LUC7L: variants seen among roughly 807,000 people sequenced by gnomAD.
The protein encoded by LUC7L is putative RNA-binding protein Luc7-like 1.
In LUC7L, 29 loss-of-function variants were observed where a neutral mutation model predicts 51.1. That is an observed-to-expected ratio of 0.57 (90% CI 0.42 to 0.77). The LOEUF (loss-of-function observed/expected upper bound fraction) is 0.77, where lower values mean the gene tolerates loss of function less well. Ranked by LOEUF, LUC7L falls within the 30% of genes least tolerant of loss-of-function variation. LUC7L has a pLI of 0.00. For missense variants in LUC7L, 403 were observed against 511.9 expected (o/e 0.79, Z 2.05); for synonymous variants, 181 against 180.7 (o/e 1.00, Z -0.01).
chr16:218,882 G>A (rs112388708), intron 3 of LUC7L, among the ~76,000 whole-genome samples: 19 of 121,768 alleles, frequency 1.6e-4, no homozygotes, highest in African/African-American at 4.7e-4. Context: ...CTTGAGGGCA[G>A]AAGTTTGAGA....
chr16:206,172 G>A (rs1286086579), intron 4 of LUC7L, 25 bp from the exon 5 acceptor site: 2 of 1,600,982 alleles, frequency 1.2e-6, no homozygotes, highest in Non-Finnish European at 1.7e-6. Context: ...AATGAGGTAA[G>A]CAGACATCTG....
intron 5 of LUC7L, among the ~76,000 whole-genome samples, chr16:203,132 A>G (rs1596625534): frequency 6.6e-6 from 1 of 152,172 alleles, no homozygotes; most frequent in Non-Finnish European, 1.5e-5. Flanking sequence ...TGGGCAACAG[A>G]GAGAGACTCC....
intron 3 of LUC7L, chr16:209,772 A>C (rs889832374): frequency 1.3e-5 from 2 of 152,196 alleles, no homozygotes; most frequent in Non-Finnish European, 2.9e-5. Context: ...CAGCTGTAAT[A>C]AACTGCTCCA....
intron 5 of LUC7L, among the ~76,000 whole-genome samples, chr16:201,576 A>T (rs2142060726): frequency 6.6e-6 from 1 of 151,898 alleles, no homozygotes; most frequent in South Asian, 2.1e-4. Context: ...AGTAGCTGGG[A>T]CTACAAGCGC....
At chr16:203,969 T>A (rs2049406677) in intron 5 of LUC7L, among the ~76,000 whole-genome samples, 1 of 151,200 alleles carries the variant, frequency 6.6e-6, no homozygotes, top group African/African-American at 2.5e-5. Context: ...TGAGCCGAGA[T>A]CACGCCACTG....
chr16:204,349 C>G (rs1315413049), intron 5 of LUC7L, among the ~76,000 whole-genome samples: 1 of 151,646 alleles, frequency 6.6e-6, no homozygotes, highest in Non-Finnish European at 1.5e-5. Context: ...GTAATCCCAG[C>G]AGTTTGGGAG....
intron 3 of LUC7L, among the ~76,000 whole-genome samples, chr16:212,322 G>A (rs990911249): frequency 6.6e-6 from 1 of 151,952 alleles, no homozygotes; most frequent in African/African-American, 2.4e-5. Flanking sequence ...GGAGCTCGTC[G>A]GGTCTCCATT....
chr16:196,526 CAAA>C (rs2049153973), intron 6 of LUC7L, among the ~76,000 whole-genome samples: 2 of 54,284 alleles, frequency 3.7e-5, no homozygotes, highest in South Asian at 5.5e-4. Flanking sequence ...CAGTGGCTAA[CAAA>C]CAATTTTTTT....
At chr16:215,448 G>A (rs768127475) in intron 3 of LUC7L, among the ~76,000 whole-genome samples, 19 of 151,634 alleles carry the variant, frequency 1.3e-4, no homozygotes, top group South Asian at 6.3e-4. Context: ...GTAAAACCCC[G>A]TCTCTACTAA....
intron 2 of LUC7L, among the ~76,000 whole-genome samples, chr16:224,317 G>A (rs1250541474): frequency 2.0e-5 from 3 of 151,308 alleles, no homozygotes; most frequent in South Asian, 2.1e-4. Context: ...TCAGAAGTTC[G>A]TGACCAGCCT....
At position 190,155 on chromosome 16, in the gene LUC7L, C is replaced by T; in HGVS notation, c.807-20G>A. ...CGTGACCTGAACAATCAGAAGGCTC[C>T]AAGGCTGAGACTCTATAGGTGCCAA... On this transcript the variant is annotated intron_variant, in intron 8 of 9. Coordinates refer to ENST00000293872, the MANE Select transcript of LUC7L (RefSeq NM_201412.3). The T allele has an allele frequency of 1.2e-6, 2 of 1,602,656 alleles. No homozygotes were observed. Among genetic ancestry groups the T allele is most frequent in the Non-Finnish European group, 8.5e-7 (1 of 1,175,594 alleles).
chr16:192,275 C>T (rs2049029433), intron 7 of LUC7L, among the ~76,000 whole-genome samples: 1 of 152,098 alleles, frequency 6.6e-6, no homozygotes, highest in Non-Finnish European at 1.5e-5. Flanking sequence ...CCTAGCTCCC[C>T]AAGGTCCTGC....
At chr16:197,783 A>G (rs1037435951) in intron 6 of LUC7L, among the ~76,000 whole-genome samples, 1 of 152,144 alleles carries the variant, frequency 6.6e-6, no homozygotes, top group African/African-American at 2.4e-5. Flanking sequence ...TGGTCACTGC[A>G]GCATTCTGCA....
chr16:226,027 A>C (rs570120252), intron 2 of LUC7L, among the ~76,000 whole-genome samples: 13 of 152,230 alleles, frequency 8.5e-5, no homozygotes, highest in African/African-American at 3.1e-4. Flanking sequence ...ACTTCCTTTG[A>C]CGAGTTGAAA....
chr16:199,534 G>A (rs1235193002), intron 5 of LUC7L, among the ~76,000 whole-genome samples: 1 of 151,714 alleles, frequency 6.6e-6, no homozygotes, highest in East Asian at 1.9e-4. Context: ...CACTTTGGGA[G>A]GCTGAGGCTG....
Position 227,553 on chromosome 16 carries a change from T to C in LUC7L, c.62-217A>G, listed in dbSNP as rs891919349. 5 of 1,376,850 alleles carry C rather than the reference T, an allele frequency of 3.6e-6. No homozygotes were observed. The African/African-American group carries it at 4.4e-5, about 12-fold the overall frequency. The allele number at this position is 1,376,850 out of a possible 1,614,324, so 85.3% of individuals were successfully genotyped here. A position where few individuals can be genotyped will look rare whatever the true frequency, so the allele number is the denominator to read the frequency against. ...TCATGGAGAATCACACTTAATGAGA[T>C]CTGACTCCATCACTGTACCAAAGAA... On this transcript the variant is annotated intron_variant, in intron 1 of 9. Coordinates refer to ENST00000293872, the MANE Select transcript of LUC7L (RefSeq NM_201412.3).
At chr16:228,824 T>A (rs931973223) in intron 1 of LUC7L, 2 of 1,293,096 alleles carry the variant, frequency 1.5e-6, no homozygotes, top group Non-Finnish European at 2.0e-6. Context: ...CCCCTTGCAA[T>A]GGTACAGAAC....
chr16:194,072 G>C (rs1035025810), intron 6 of LUC7L, among the ~76,000 whole-genome samples: 1 of 151,822 alleles, frequency 6.6e-6, no homozygotes, highest in African/African-American at 2.4e-5. Flanking sequence ...CACAGTGCTG[G>C]GATTATAGGC....
rs146507098 is a variant in LUC7L, at chr16:222,123, A to G, written c.157-1376T>C. On this transcript the variant is annotated intron_variant, in intron 2 of 9. Coordinates refer to ENST00000293872, the MANE Select transcript of LUC7L (RefSeq NM_201412.3). Reference sequence around the variant, plus strand: ...CTATTATGTGTACCATATGCAGTACAATTAGAAAACAGTGTATGATTTTAA... The same window carrying G: ...CTATTATGTGTACCATATGCAGTACGATTAGAAAACAGTGTATGATTTTAA... Among the ~76,000 whole-genome samples the G allele has an allele frequency of 9.7e-4, 148 of 152,274 alleles. 1 individual carries two copies. The East Asian group carries it at 0.026, about 27-fold the overall frequency.
Sources: gnomAD v4.1 joint callset for allele counts (sites outside exome capture counted in the v4.1 genomes callset) on GRCh38, gnomAD v4.1.1 for gene constraint, MANE v1.5 for transcripts, NCBI Gene and HGNC (gene_info 2026-07-23, HGNC 2026-07-21) for gene names.